ERICH3: variants seen among roughly 807,000 people sequenced by gnomAD.
ERICH3 encodes glutamate rich 3, also known as glutamate-rich protein 3.
In ERICH3, 126 loss-of-function variants were observed where a neutral mutation model predicts 131.1. That is an observed-to-expected ratio of 0.96 (90% confidence interval 0.83 to 1.11). ERICH3 has a LOEUF of 1.11. Ranked by LOEUF, ERICH3 falls within the 50% of genes most tolerant of loss-of-function variation. The pLI, the probability that ERICH3 is intolerant of heterozygous loss-of-function variation, is 0.00. For missense variants in ERICH3, 2,050 were observed against 1,810.7 expected, an observed-to-expected ratio of 1.13 and a Z score of -2.40; for synonymous variants, 695 against 644.6, an observed-to-expected ratio of 1.08 and a Z score of -1.18.
At chr1:74,639,633 A>G (rs1342414940) in intron 5 of ERICH3, among the ~76,000 whole-genome samples, 2 of 152,182 alleles carry the variant, frequency 1.3e-5, no homozygotes, top group African/African-American at 4.8e-5. Flanking sequence ...TCTTAGTAGA[A>G]GATCAGTGTG....
intron 1 of ERICH3, among the ~76,000 whole-genome samples, chr1:74,658,618 G>A (rs1443586700): frequency 2.0e-5 from 3 of 152,018 alleles, no homozygotes; most frequent in Admixed American, 1.3e-4. Context: ...AAATAAAATT[G>A]TACTAAAGAG....
In ERICH3 at chr1:74,569,082, G is replaced by A. The variant is rs1646905867; in HGVS notation, c.*1376C>T. ...AATACCTACTATGATAATATGCCTG[G>A]TCCCTAGGGACCTTGAGTGTAATGT... On this transcript the variant is annotated 3_prime_UTR_variant, in exon 15 of 15. Coordinates refer to ENST00000326665, the MANE Select transcript of ERICH3 (RefSeq NM_001002912.5). The A allele has an allele frequency of 6.6e-6, 1 of 152,158 alleles. No homozygotes were observed. Among genetic ancestry groups the A allele is most frequent in the Non-Finnish European group, 1.5e-5 (1 of 68,026 alleles). The allele number at this position is 152,158 out of a possible 1,614,324, so 9.4% of individuals were successfully genotyped here.
chr1:74,641,415 C>T lies in ERICH3; in HGVS notation c.360G>A (p.Leu120=), dbSNP rs2100634298. 1.9e-6 allele frequency: 3 copies of T among 1,610,682 alleles called. No individual in the cohort carries two copies. The highest frequency in any genetic ancestry group is 1.1e-5 in the South Asian group (1 of 90,412). Residue 120 remains leucine, a synonymous_variant, in exon 5 of 15, where the codon CTG becomes CTA. Transcript: ENST00000326665. ...TTGGGCCAACTGGTGGGTGGGGAGA[C>T]AGGATTGGCATGTTATTTTCAACAG... ...RRSVENNMPI[L]SPHPPVGPKS... is the part of the protein sequence containing the mutation.
intron 1 of ERICH3, among the ~76,000 whole-genome samples, chr1:74,670,629 G>A (rs1439361409): frequency 6.6e-6 from 1 of 152,064 alleles, no homozygotes; most frequent in Non-Finnish European, 1.5e-5. Flanking sequence ...ATCACGTCAG[G>A]ACCACTGTGA....
intron 11 of ERICH3, among the ~76,000 whole-genome samples, chr1:74,591,108 T>C (rs76510645): frequency 1.8e-3 from 274 of 152,284 alleles, no homozygotes; most frequent in African/African-American, 6.1e-3. Flanking sequence ...GGCCAGTACA[T>C]AGACAAATAT....
At position 74,631,832 on chromosome 1, in the gene ERICH3, T is replaced by A. The variant is rs560762120; in HGVS notation, c.700A>T (p.Ile234Phe). ...CCAGTTGGGGGAAGTGGAGGAGGAA[T>A]AGGCATCATGTAACTGTTAATGTTT... ...LPNINSYMMP[I>F]PPPLPPTGKI... Residue 234 changes from isoleucine (I) to phenylalanine (F), a missense_variant, in exon 7 of 15, where the codon ATT (isoleucine) becomes TTT (phenylalanine). Ile to Phe is a conservative substitution (Grantham distance 21). Coordinates refer to ENST00000326665, the MANE Select transcript of ERICH3 (RefSeq NM_001002912.5). The A allele has an allele frequency of 6.2e-6, 10 of 1,613,332 alleles. No homozygotes were observed. The highest frequency in any genetic ancestry group is 8.5e-6 in the Non-Finnish European group (10 of 1,179,520).
At chr1:74,609,499 A>C (rs1648585466) in intron 9 of ERICH3, among the ~76,000 whole-genome samples, 1 of 152,032 alleles carries the variant, frequency 6.6e-6, no homozygotes. Flanking sequence ...CCTTTGGGGT[A>C]GTTCTCAACT....
chr1:74,656,898 T>C (rs1646590275), intron 1 of ERICH3, among the ~76,000 whole-genome samples: 1 of 152,184 alleles, frequency 6.6e-6, no homozygotes, highest in Non-Finnish European at 1.5e-5. Flanking sequence ...TTAATCACTG[T>C]CTTCAGACTC....
Position 74,572,228 on chromosome 1 carries a change from G to C in ERICH3, c.3482C>G (p.Pro1161Arg), listed in dbSNP as rs2100505430. The C allele has an allele frequency of 6.2e-7, 1 of 1,614,052 alleles. No homozygotes were observed. The highest frequency in any genetic ancestry group is 8.5e-7 in the Non-Finnish European group (1 of 1,180,002). Residue 1161 changes from proline to arginine, a missense_variant, in exon 14 of 15, where the codon CCT becomes CGT. Physicochemically the swap from Pro to Arg is moderately radical, Grantham distance 103. Transcript: ENST00000326665. ...GTTTTCCAGCGACTTTTCAAATCCA[G>C]GCGTTGCTTCAAATATGGGAACCAC... Reference protein sequence around the residue: ...ETVVPIFEATPGFEKSLENIT... With the variant: ...ETVVPIFEATRGFEKSLENIT...
intron 1 of ERICH3, among the ~76,000 whole-genome samples, chr1:74,657,725 T>C (rs2100650520): frequency 6.6e-6 from 1 of 152,228 alleles, no homozygotes; most frequent in African/African-American, 2.4e-5. Flanking sequence ...TGTTCACAGA[T>C]GAGGCAATGG....
At chr1:74,620,165 CA>C (rs1429202699) in intron 8 of ERICH3, among the ~76,000 whole-genome samples, 1 of 152,176 alleles carries the variant, frequency 6.6e-6, no homozygotes, top group African/African-American at 2.4e-5. Context: ...AAAAACATTA[CA>C]GTATAATTTG....
intron 9 of ERICH3, among the ~76,000 whole-genome samples, chr1:74,607,528 G>A (rs551087724): frequency 6.6e-6 from 1 of 151,964 alleles, no homozygotes; most frequent in African/African-American, 2.4e-5. Flanking sequence ...AATAACTCAG[G>A]AGTTTGTTCA....
chr1:74,654,890 T>C (rs1393219956), intron 1 of ERICH3, among the ~76,000 whole-genome samples: 5 of 152,150 alleles, frequency 3.3e-5, no homozygotes, highest in African/African-American at 1.2e-4. Flanking sequence ...ACTCATCAGG[T>C]CTTGCTAATG....
chr1:74,587,153 G>A (rs955166161), intron 12 of ERICH3, among the ~76,000 whole-genome samples: 5 of 151,538 alleles, frequency 3.3e-5, no homozygotes, highest in Admixed American at 3.3e-4. Context: ...GTGAAACCCC[G>A]TCTTTACTAA....
intron 9 of ERICH3, among the ~76,000 whole-genome samples, chr1:74,611,395 A>G (rs1648688892): frequency 1.3e-5 from 2 of 151,958 alleles, no homozygotes; most frequent in East Asian, 3.9e-4. Flanking sequence ...ATTACTTCTA[A>G]CTCATTCCAC....
intron 6 of ERICH3, among the ~76,000 whole-genome samples, chr1:74,632,884 TA>T (rs1646353953): frequency 6.6e-6 from 1 of 151,926 alleles, no homozygotes; most frequent in South Asian, 2.1e-4. Context: ...TTTTAATCAT[TA>T]AAAAACACCA....
At chr1:74,626,246 T>C (rs1034432536) in intron 7 of ERICH3, 16 of 152,294 alleles carry the variant, frequency 1.1e-4, no homozygotes, top group African/African-American at 3.1e-4. Context: ...GAAGAAATTA[T>C]AGATTTTGAG....
intron 8 of ERICH3, among the ~76,000 whole-genome samples, chr1:74,616,481 A>C (rs769346097): frequency 2.6e-5 from 4 of 152,192 alleles, no homozygotes; most frequent in Admixed American, 6.5e-5. Flanking sequence ...CAACCTTTTC[A>C]TACATCTCCA....
chr1:74,611,441 ATTTTCCCCACACACC>A (rs1345608833), intron 9 of ERICH3, among the ~76,000 whole-genome samples: 2 of 152,056 alleles, frequency 1.3e-5, no homozygotes, highest in East Asian at 3.9e-4. Context: ...AGTTTCTGAT[ATTTTCCCCACACACC>A]CTTGTTTATT....
Sources: allele counts gnomAD v4.1 joint callset (sites outside exome capture counted in the v4.1 genomes callset), GRCh38; gene constraint gnomAD v4.1.1; transcripts MANE v1.5; gene names NCBI Gene and HGNC (gene_info 2026-07-23, HGNC 2026-07-21).